Variants in ACACA observed in about 807,000 individuals in gnomAD.
ACACA encodes acetyl-CoA carboxylase 1.
Under a neutral mutation model 296.1 loss-of-function variants are expected in ACACA, and 103 were observed. The observed-to-expected ratio is 0.35, with a 90% CI of 0.30 to 0.41. The LOEUF (loss-of-function observed/expected upper bound fraction) is 0.41. ACACA is among the 10% of genes least tolerant of loss of function. ACACA has a pLI of 1.00. For missense variants in ACACA, 1,554 were observed against 2,989.7 expected, an observed-to-expected ratio of 0.52 and a Z score of 11.20; for synonymous variants, 953 against 1,038.6, an observed-to-expected ratio of 0.92 and a Z score of 1.58.
chr17:37,112,976 G>C, intron 51 of ACACA, 112 bp downstream of exon 51: 1 of 1,302,116 alleles, frequency 7.7e-7, no homozygotes. Context: ...GCTTTGGTTT[G>C]GAATCACAGG....
intron 45 of ACACA, among the ~76,000 whole-genome samples, chr17:37,132,631 T>C (rs978612724): frequency 6.6e-6 from 1 of 152,230 alleles, no homozygotes; most frequent in Non-Finnish European, 1.5e-5. Flanking sequence ...CAAGTACTCC[T>C]TGTTGCCCAG....
intron 3 of ACACA, among the ~76,000 whole-genome samples, chr17:37,297,169 C>T (rs886397519): frequency 1.3e-5 from 2 of 150,818 alleles, no homozygotes; most frequent in Non-Finnish European, 3.0e-5. Flanking sequence ...AGGCCGGGCG[C>T]GGTGGCTCAC....
chr17:37,353,358 A>G (rs576180431), intron 1 of ACACA, among the ~76,000 whole-genome samples: 1 of 152,262 alleles, frequency 6.6e-6, no homozygotes, highest in South Asian at 2.1e-4. Context: ...AAAAGAAGAT[A>G]GGCTGGGCAC....
At chr17:37,192,786 A>G (rs981956112) in intron 36 of ACACA, among the ~76,000 whole-genome samples, 1 of 151,874 alleles carries the variant, frequency 6.6e-6, no homozygotes, top group Non-Finnish European at 1.5e-5. Flanking sequence ...CAATTTTTTA[A>G]TTAAAGAGAT....
At chr17:37,093,022 C>T (rs1418914132) in intron 54 of ACACA, among the ~76,000 whole-genome samples, 2 of 152,140 alleles carry the variant, frequency 1.3e-5, no homozygotes, top group African/African-American at 4.8e-5. Context: ...GAGCCAATCC[C>T]ATCTCAGCTC....
chr17:37,310,291 T>C (rs1250749669), intron 3 of ACACA, among the ~76,000 whole-genome samples: 1 of 152,082 alleles, frequency 6.6e-6, no homozygotes, highest in East Asian at 1.9e-4. Flanking sequence ...CTGGAGGTGC[T>C]ATTTAGTGAG....
At chr17:37,249,229 A>G (rs1335469532) in intron 16 of ACACA, among the ~76,000 whole-genome samples, 1 of 152,184 alleles carries the variant, frequency 6.6e-6, no homozygotes, top group Non-Finnish European at 1.5e-5. Context: ...TATTGTATGT[A>G]TATGCCACAT....
intron 1 of ACACA, among the ~76,000 whole-genome samples, chr17:37,348,666 A>T (rs1335068480): frequency 6.6e-6 from 1 of 152,156 alleles, no homozygotes; most frequent in Non-Finnish European, 1.5e-5. Context: ...ATTAGAAAAC[A>T]TAATTCATTT....
chr17:37,123,155 G>A (rs1225941343), intron 48 of ACACA, among the ~76,000 whole-genome samples: 1 of 152,156 alleles, frequency 6.6e-6, no homozygotes, highest in East Asian at 1.9e-4. Context: ...TTACTATTAG[G>A]TGTGTGGATA....
intron 1 of ACACA, among the ~76,000 whole-genome samples, chr17:37,351,927 ATT>A (rs34937393): frequency 0.041 from 4,661 of 112,574 alleles, 70 homozygotes; most frequent in Middle Eastern, 0.12. Flanking sequence ...CACAGGCTGC[ATT>A]TTTTTTTTTT....
At position 37,216,190 on chromosome 17, in the gene ACACA, G is replaced by A. The variant is rs982949608; in HGVS notation, c.3683+5534C>T. ...ACATGTTACATATACATACACACACGTGTGTGTGTGTGTGTGTGTATATAT... is the reference window on the plus strand; with the variant it reads ...ACATGTTACATATACATACACACACATGTGTGTGTGTGTGTGTGTATATAT... On this transcript the variant is annotated intron_variant, in intron 29 of 55. Coordinates refer to ENST00000616317, the MANE Select transcript of ACACA (RefSeq NM_198834.3). Among the ~76,000 whole-genome samples, 371 of 69,782 alleles carry A rather than the reference G, an allele frequency of 5.3e-3. 3 individuals carry two copies. Among genetic ancestry groups the A allele is most frequent in the South Asian group, 0.025 (61 of 2,476 alleles). The allele number at this position is 69,782 out of a possible 152,430, so 45.8% of individuals were successfully genotyped here.
At chr17:37,321,658 G>A (rs2047360943) in intron 3 of ACACA, among the ~76,000 whole-genome samples, 2 of 152,186 alleles carry the variant, frequency 1.3e-5, no homozygotes, top group Non-Finnish European at 2.9e-5. Context: ...TGAGGCAGGA[G>A]AATGGCGTGA....
At chr17:37,305,914 T>G (rs12938356) in intron 3 of ACACA, among the ~76,000 whole-genome samples, 46,298 of 137,164 alleles carry the variant, frequency 0.34, 9,744 homozygotes, top group African/African-American at 0.63. Context: ...GTTTTTTTTT[T>G]TTTTTTTTTT....
rs1164072330 is a variant in ACACA, at chr17:37,341,567, G to A, written c.39-1717C>T. ...TAGCCAGGTGTGGTGGTGTGTGCCT[G>A]TAATCCCAGCTACTCAGGAGGCTGA... On this transcript the variant is annotated intron_variant, in intron 1 of 55. Transcript: ENST00000616317. 2.0e-5 allele frequency among the ~76,000 whole-genome samples: 3 copies of A among 151,828 alleles called. No individual in the cohort carries two copies. The East Asian group carries it at 5.8e-4, about 29-fold the overall frequency.
intron 9 of ACACA, among the ~76,000 whole-genome samples, chr17:37,271,554 A>C (rs1400956043): frequency 1.3e-5 from 2 of 152,126 alleles, no homozygotes; most frequent in African/African-American, 4.8e-5. Flanking sequence ...AGATGCGTGG[A>C]TATAAAACTT....
intron 3 of ACACA, among the ~76,000 whole-genome samples, chr17:37,287,590 A>AAAAAAC (rs1264156932): frequency 1.4e-5 from 2 of 144,196 alleles, no homozygotes; most frequent in African/African-American, 5.2e-5. Flanking sequence ...AAAAAAAAAA[A>AAAAAAC]CAAATATCCA....
intron 1 of ACACA, among the ~76,000 whole-genome samples, chr17:37,358,487 G>GTAA (rs1190293372): frequency 6.6e-6 from 1 of 152,216 alleles, no homozygotes; most frequent in Non-Finnish European, 1.5e-5. Flanking sequence ...CTCTCGCCAC[G>GTAA]ATACAAAGGC....
intron 45 of ACACA, among the ~76,000 whole-genome samples, chr17:37,147,904 T>C (rs969210296): frequency 6.6e-6 from 1 of 152,178 alleles, no homozygotes; most frequent in Non-Finnish European, 1.5e-5. Flanking sequence ...TGTTTCTTCA[T>C]GGCACAAATG....
chr17:37,361,872 A>C (rs1242390595), intron 1 of ACACA, among the ~76,000 whole-genome samples: 2 of 152,238 alleles, frequency 1.3e-5, no homozygotes, highest in East Asian at 1.9e-4. Flanking sequence ...TGAGTGGTAC[A>C]TTTCTAGAAG....
Sources: gnomAD v4.1 joint callset for allele counts (sites outside exome capture counted in the v4.1 genomes callset) on GRCh38, gnomAD v4.1.1 for gene constraint, MANE v1.5 for transcripts, NCBI Gene and HGNC (gene_info 2026-07-23, HGNC 2026-07-21) for gene names.